SEM1: variants seen among roughly 807,000 people sequenced by gnomAD.
SEM1 encodes the protein SEM1 26S proteasome subunit, also known as 26S proteasome complex subunit SEM1.
In SEM1, 3 loss-of-function variants were observed where a neutral mutation model predicts 12.7. The observed-to-expected ratio is 0.24, with a 90% CI of 0.11 to 0.61. SEM1 has a LOEUF of 0.61. SEM1 is among the 20% of genes least tolerant of loss of function. SEM1 has a pLI of 0.88. For synonymous variants in SEM1, 30 were observed against 27.8 expected (o/e 1.08, Z -0.25); for missense variants, 59 against 81.3 (o/e 0.73, Z 1.06).
At chr7:96,529,843 T>C (rs961202842) in intron 2 of SEM1, among the ~76,000 whole-genome samples, 1 of 152,146 alleles carries the variant, frequency 6.6e-6, no homozygotes, top group Non-Finnish European at 1.5e-5. Flanking sequence ...AAAATTATCT[T>C]GGTGATATGT....
chr7:96,663,115 T>G (rs1017008810), intron 2 of SEM1, among the ~76,000 whole-genome samples: 2 of 150,262 alleles, frequency 1.3e-5, no homozygotes, highest in African/African-American at 4.9e-5. Context: ...AGTGCAATAA[T>G]ATGACGCAGA....
chr7:96,671,536 G>C (rs1468036938), downstream of SEM1, among the ~76,000 whole-genome samples: 1 of 152,122 alleles, frequency 6.6e-6, no homozygotes, highest in African/African-American at 2.4e-5. Flanking sequence ...ACTTGAATGA[G>C]CCTAAAGAAC....
At chr7:96,496,257 A>G (rs1265485233) in intron 1 of SEM1, 8 of 1,435,410 alleles carry the variant, frequency 5.6e-6, no homozygotes, top group African/African-American at 4.2e-5. Context: ...AAAGCCACAT[A>G]TTGATATAAT....
At chr7:96,704,438 A>T (rs1790383049) in intron 1 of SEM1, among the ~76,000 whole-genome samples, 1 of 152,190 alleles carries the variant, frequency 6.6e-6, no homozygotes, top group Non-Finnish European at 1.5e-5. Context: ...TTTAAAGAGG[A>T]AGTTAAGTAA....
At chr7:96,699,045 G>A (rs933565356) in intron 1 of SEM1, among the ~76,000 whole-genome samples, 1 of 152,000 alleles carries the variant, frequency 6.6e-6, no homozygotes, top group African/African-American at 2.4e-5. Context: ...AAGCCCTTAT[G>A]CCCTAGATTC....
intron 2 of SEM1, among the ~76,000 whole-genome samples, chr7:96,578,726 A>ATTG (rs1806289378): frequency 6.6e-6 from 1 of 152,204 alleles, no homozygotes; most frequent in East Asian, 1.9e-4. Flanking sequence ...CATAGAAAGC[A>ATTG]TCTTCTGAGA....
At chr7:96,659,250 T>C (rs1418791100) in intron 2 of SEM1, among the ~76,000 whole-genome samples, 1 of 151,888 alleles carries the variant, frequency 6.6e-6, no homozygotes, top group African/African-American at 2.4e-5. Flanking sequence ...AAAGGGAAAA[T>C]TTGAAAAGCA....
chr7:96,692,841 A>G (rs1389889552), intron 2 of SEM1, among the ~76,000 whole-genome samples: 1 of 152,104 alleles, frequency 6.6e-6, no homozygotes, highest in African/African-American at 2.4e-5. Flanking sequence ...ATTGAAAACT[A>G]AGACAGGTAA....
intron 2 of SEM1, among the ~76,000 whole-genome samples, chr7:96,536,337 G>A (rs960671587): frequency 2.0e-5 from 3 of 151,770 alleles, no homozygotes; most frequent in Admixed American, 1.3e-4. Context: ...GGCCCAAAAT[G>A]TGGCATTTAT....
intron 2 of SEM1, among the ~76,000 whole-genome samples, chr7:96,615,239 A>T (rs1196845538): frequency 1.0e-3 from 100 of 98,140 alleles, no homozygotes; most frequent in Middle Eastern, 6.7e-3. Flanking sequence ...TTTTTGAGTC[A>T]TCTTTTTTTT....
At chr7:96,703,648 A>T (rs965547913) in intron 1 of SEM1, among the ~76,000 whole-genome samples, 6 of 147,482 alleles carry the variant, frequency 4.1e-5, no homozygotes, top group African/African-American at 1.0e-4. Flanking sequence ...AGCATATTCC[A>T]TTTTTTTTTT....
intron 2 of SEM1, among the ~76,000 whole-genome samples, chr7:96,556,640 A>C: frequency 7.3e-6 from 1 of 137,408 alleles, no homozygotes; most frequent in South Asian, 2.6e-4. Flanking sequence ...CCTTCATTTC[A>C]ACTTTGGTGC....
chr7:96,673,951 T>A (rs1390593378), intron 2 of SEM1: 2 of 699,786 alleles, frequency 2.9e-6, no homozygotes, highest in Non-Finnish European at 5.2e-6. Flanking sequence ...TGGCCCATCC[T>A]GAAAAATGTA....
intron 2 of SEM1, among the ~76,000 whole-genome samples, chr7:96,545,158 T>A (rs1029374277): frequency 5.9e-5 from 9 of 151,998 alleles, no homozygotes; most frequent in African/African-American, 1.9e-4. Context: ...CCACTCATGG[T>A]ATTTGGGGCT....
chr7:96,543,095 G>T lies in SEM1; in HGVS notation c.171-36397C>A, dbSNP rs148371698. On this transcript the variant is annotated intron_variant and NMD_transcript_variant, in intron 2 of 3. Transcript: ENST00000466986. ...TGGAGGATGGGAAATGGATTTTTTT[G>T]TGTGTGTACAGTTACCTCTCCACAT... Among the ~76,000 whole-genome samples the T allele has an allele frequency of 2.7e-3, 417 of 151,922 alleles. 2 individuals carry two copies. Among genetic ancestry groups the T allele is most frequent in the African/African-American group, 9.8e-3 (406 of 41,468 alleles).
At chr7:96,594,484 G>A (rs150254683) in intron 2 of SEM1, among the ~76,000 whole-genome samples, 14 of 152,258 alleles carry the variant, frequency 9.2e-5, no homozygotes, top group African/African-American at 3.1e-4. Flanking sequence ...TAGACTGTAT[G>A]GAGCAGGGAT....
intron 2 of SEM1, among the ~76,000 whole-genome samples, chr7:96,552,992 T>G (rs1805338564): frequency 6.6e-6 from 1 of 151,850 alleles, no homozygotes; most frequent in African/African-American, 2.4e-5. Flanking sequence ...ATAAATGTCT[T>G]CTTTTGAGAA....
chr7:96,611,249 G>A (rs752602475), intron 2 of SEM1, among the ~76,000 whole-genome samples: 42 of 152,180 alleles, frequency 2.8e-4, no homozygotes, highest in African/African-American at 8.9e-4. Context: ...TGCTTTTCCC[G>A]CATGATGCCC....
intron 2 of SEM1, among the ~76,000 whole-genome samples, chr7:96,677,474 T>C (rs763045171): frequency 1.8e-4 from 27 of 152,286 alleles, no homozygotes; most frequent in South Asian, 1.5e-3. Context: ...CAAAGAGATA[T>C]AGATATCATT....
Sources: gnomAD v4.1 joint callset for allele counts (sites outside exome capture counted in the v4.1 genomes callset) on GRCh38, gnomAD v4.1.1 for gene constraint, MANE v1.5 for transcripts, NCBI Gene and HGNC (gene_info 2026-07-23, HGNC 2026-07-21) for gene names.